The following PCCA variants were observed in gnomAD, a reference collection of about 807,000 sequenced individuals.
PCCA encodes the protein propionyl-CoA carboxylase alpha chain, mitochondrial.
A neutral mutation model predicts 101.3 loss-of-function variants in PCCA; 74 were observed. That is an observed-to-expected ratio of 0.73 (90% CI 0.61 to 0.89). PCCA has a LOEUF of 0.89. Among genes scored for constraint, PCCA ranks in the 40% least tolerant of loss-of-function variants. PCCA has a pLI of 0.00. For missense variants in PCCA, 891 were observed against 907.0 expected (o/e 0.98, Z 0.23); for synonymous variants, 294 against 313.6 (o/e 0.94, Z 0.66).
intron 21 of PCCA, among the ~76,000 whole-genome samples, chr13:100,505,229 G>A (rs1429705117): frequency 6.6e-6 from 1 of 152,190 alleles, no homozygotes; most frequent in Non-Finnish European, 1.5e-5. Context: ...CCTCTGGCCA[G>A]ATTATGGTAT....
chr13:100,303,459 A>T (rs531670242), intron 14 of PCCA, among the ~76,000 whole-genome samples: 1 of 152,272 alleles, frequency 6.6e-6, no homozygotes, highest in South Asian at 2.1e-4. Context: ...AACCTCATGG[A>T]CTTTAAAGAG....
chr13:100,509,274 G>GT (rs1422232941), intron 21 of PCCA, among the ~76,000 whole-genome samples: 1 of 152,182 alleles, frequency 6.6e-6, no homozygotes, highest in African/African-American at 2.4e-5. Flanking sequence ...GTAAAATGTT[G>GT]TAACAGTGCT....
intron 22 of PCCA, among the ~76,000 whole-genome samples, chr13:100,518,450 GC>G (rs1320221759): frequency 2.0e-5 from 3 of 152,208 alleles, no homozygotes; most frequent in Admixed American, 6.5e-5. Flanking sequence ...CACTCAGCCT[GC>G]CCTAAACACA....
chr13:100,156,799 G>A (rs1193813585), intron 5 of PCCA, among the ~76,000 whole-genome samples: 1 of 152,170 alleles, frequency 6.6e-6, no homozygotes, highest in African/African-American at 2.4e-5. Context: ...AGTAGTCTGG[G>A]TTTTGGAAAT....
rs1349561008 is a variant in PCCA at position 100,264,218 on chromosome 13, C to T, written c.819+1387C>T. Among the ~76,000 whole-genome samples the T allele has an allele frequency of 1.7e-5, 2 of 119,852 alleles. 1 individual carries two copies. The highest frequency in any genetic ancestry group is 5.5e-5 in the African/African-American group (2 of 36,226). The allele number at this position is 119,852 out of a possible 152,430, so 78.6% of individuals were successfully genotyped here. A position where few individuals can be genotyped will look rare whatever the true frequency, so the allele number is the denominator to read the frequency against. ...TATCATATATGTGATATCTGTATCT[C>T]ATATATATGTGATATCTGTATATCA... is the stretch of plus-strand genomic sequence containing the variant. On this transcript the variant is annotated intron_variant, in intron 10 of 23. Coordinates refer to ENST00000376285, the MANE Select transcript of PCCA (RefSeq NM_000282.4).
At chr13:100,483,583 T>C (rs79768479) in intron 21 of PCCA, among the ~76,000 whole-genome samples, 3 of 152,242 alleles carry the variant, frequency 2.0e-5, no homozygotes, top group African/African-American at 7.2e-5. Flanking sequence ...CTTTTGGACA[T>C]TTCTTTAAGA....
chr13:100,192,733 G>C (rs970955023), intron 6 of PCCA, among the ~76,000 whole-genome samples: 3 of 152,124 alleles, frequency 2.0e-5, no homozygotes, highest in African/African-American at 7.2e-5. Flanking sequence ...AGTGAGAGAG[G>C]TGTTTTCCTA....
intron 18 of PCCA, among the ~76,000 whole-genome samples, chr13:100,351,640 C>G (rs925337662): frequency 6.6e-6 from 1 of 152,126 alleles, no homozygotes; most frequent in African/African-American, 2.4e-5. Context: ...GACATCTTTT[C>G]TAGGAGACCA....
intron 4 of PCCA, among the ~76,000 whole-genome samples, chr13:100,140,221 G>T (rs2051700385): frequency 6.6e-6 from 1 of 152,058 alleles, no homozygotes; most frequent in African/African-American, 2.4e-5. Context: ...TTTTGTGTTT[G>T]TGTCCAGGAC....
intron 21 of PCCA, among the ~76,000 whole-genome samples, chr13:100,481,350 G>A (rs1202957870): frequency 1.3e-5 from 2 of 152,120 alleles, no homozygotes; most frequent in African/African-American, 4.8e-5. Flanking sequence ...TTGAGCTCGG[G>A]AGTTTGAGAC....
At chr13:100,155,978 A>C (rs751244689) in intron 5 of PCCA, among the ~76,000 whole-genome samples, 1 of 152,260 alleles carries the variant, frequency 6.6e-6, no homozygotes, top group Non-Finnish European at 1.5e-5. Context: ...AGTGTTGATA[A>C]AATGAAGTTG....
intron 18 of PCCA, among the ~76,000 whole-genome samples, chr13:100,356,715 A>G (rs1275123461): frequency 1.3e-5 from 2 of 152,200 alleles, no homozygotes; most frequent in Non-Finnish European, 2.9e-5. Context: ...ACTTCCTGGT[A>G]TATACCCAAG....
chr13:100,466,663 G>C (rs1329996428), intron 21 of PCCA, among the ~76,000 whole-genome samples: 1 of 152,120 alleles, frequency 6.6e-6, no homozygotes, highest in Non-Finnish European at 1.5e-5. Flanking sequence ...TTTGAGACCA[G>C]CCTGGCCAAC....
rs757965490 is a variant in PCCA at position 100,456,789 on chromosome 13, G to A, written c.1899+7484G>A. On this transcript the variant is annotated intron_variant, in intron 21 of 23. Coordinates refer to ENST00000376285, the MANE Select transcript of PCCA (RefSeq NM_000282.4). ...CAAAGAGGAACCAGGAGTTACGGGA[G>A]GAACATGAAAGTGGACAAGGAGCGT... Among the ~76,000 whole-genome samples the A allele has an allele frequency of 9.0e-4, 137 of 152,282 alleles. No individual in the cohort carries two copies. The Middle Eastern group carries it at 0.014, about 15-fold the overall frequency.
At chr13:100,294,725 A>G (rs1036127542) in intron 12 of PCCA, among the ~76,000 whole-genome samples, 3 of 152,210 alleles carry the variant, frequency 2.0e-5, no homozygotes, top group African/African-American at 7.2e-5. Context: ...ATTTAGGAAT[A>G]GCCAGTACTC....
intron 21 of PCCA, among the ~76,000 whole-genome samples, chr13:100,454,522 G>A (rs1478480417): frequency 6.6e-6 from 1 of 152,198 alleles, no homozygotes; most frequent in Non-Finnish European, 1.5e-5. Context: ...TGTTGCTTCA[G>A]TCAAAGATGT....
At chr13:100,348,894 C>T (rs145999605) in intron 18 of PCCA, among the ~76,000 whole-genome samples, 9,479 of 32,554 alleles carry the variant, frequency 0.29, 603 homozygotes, top group Middle Eastern at 0.41. Flanking sequence ...TCTTTCTTTC[C>T]TTCCTTCCTT....
intron 13 of PCCA, among the ~76,000 whole-genome samples, chr13:100,301,823 G>A (rs2066084453): frequency 6.6e-6 from 1 of 152,174 alleles, no homozygotes; most frequent in Non-Finnish European, 1.5e-5. Flanking sequence ...TGTAGATGGG[G>A]AAATAGCTAC....
chr13:100,206,453 G>C (rs1002483887), intron 6 of PCCA, among the ~76,000 whole-genome samples: 2 of 152,030 alleles, frequency 1.3e-5, no homozygotes, highest in Admixed American at 6.6e-5. Context: ...TTTTAGTAGA[G>C]GCCACTATGT....
Sources: allele counts gnomAD v4.1 joint callset (sites outside exome capture counted in the v4.1 genomes callset), GRCh38; gene constraint gnomAD v4.1.1; transcripts MANE v1.5; gene names NCBI Gene and HGNC (gene_info 2026-07-23, HGNC 2026-07-21).